SYT1: variants seen among roughly 807,000 people sequenced by gnomAD.
SYT1 encodes the protein synaptotagmin-1.
A neutral mutation model predicts 44.8 loss-of-function variants in SYT1; 8 were observed. The observed-to-expected ratio is 0.18, with a 90% CI of 0.10 to 0.32. The LOEUF is 0.32. Ranked by LOEUF, SYT1 falls within the 10% of genes least tolerant of loss-of-function variation. The pLI is 1.00. For synonymous variants in SYT1, 154 were observed against 188.8 expected, an observed-to-expected ratio of 0.82 and a Z score of 1.51; for missense variants, 286 against 509.3, an observed-to-expected ratio of 0.56 and a Z score of 4.22.
rs201031068 is a variant in SYT1 at position 79,215,170 on chromosome 12, A to T, written c.-17-2333A>T. On this transcript the variant is annotated intron_variant, in intron 3 of 10. Coordinates refer to ENST00000261205, the MANE Select transcript of SYT1 (RefSeq NM_005639.3). ...ACGTGACTTGAGTTGGAAACAAAAA[A>T]TTTCCACATTCTGGACAATTCTGGG... 7.0e-4 allele frequency among the ~76,000 whole-genome samples: 106 copies of T among 152,268 alleles called. 1 individual carries two copies. The East Asian group carries it at 0.02, about 28-fold the overall frequency.
intron 1 of SYT1, among the ~76,000 whole-genome samples, chr12:78,964,786 T>C (rs1055307145): frequency 6.6e-6 from 1 of 152,006 alleles, no homozygotes; most frequent in Non-Finnish European, 1.5e-5. Context: ...AATAATTCTT[T>C]TGAAAGAAAA....
intron 8 of SYT1, among the ~76,000 whole-genome samples, chr12:79,324,044 G>A (rs921575231): frequency 5.5e-5 from 8 of 146,240 alleles, no homozygotes; most frequent in African/African-American, 1.0e-4. Context: ...TCCACCTCCC[G>A]TGTTCAAGCG....
At chr12:78,979,303 T>C (rs1471420917) in intron 2 of SYT1, among the ~76,000 whole-genome samples, 3 of 152,188 alleles carry the variant, frequency 2.0e-5, no homozygotes, top group African/African-American at 7.2e-5. Context: ...TCTACATTAA[T>C]GTCTTTTAGG....
chr12:79,278,935 GC>G (rs911556115), intron 4 of SYT1, among the ~76,000 whole-genome samples: 14 of 148,642 alleles, frequency 9.4e-5, no homozygotes, highest in South Asian at 2.1e-4. Context: ...AAAACATATA[GC>G]CCCCCCAAGC....
At chr12:79,266,972 G>A (rs1267035006) in intron 4 of SYT1, among the ~76,000 whole-genome samples, 2 of 152,078 alleles carry the variant, frequency 1.3e-5, no homozygotes, top group African/African-American at 2.4e-5. Context: ...AGACTCAAAC[G>A]CCCTGTTCTT....
intron 3 of SYT1, among the ~76,000 whole-genome samples, chr12:79,176,459 A>C (rs1186097252): frequency 2.0e-5 from 3 of 152,042 alleles, no homozygotes; most frequent in Non-Finnish European, 4.4e-5. Context: ...ACAGTTCACA[A>C]GAGTTATGGT....
intron 1 of SYT1, among the ~76,000 whole-genome samples, chr12:78,908,377 T>C (rs1433412323): frequency 2.2e-5 from 1 of 45,058 alleles, no homozygotes; most frequent in African/African-American, 4.0e-5. Context: ...TCAGTTTTTC[T>C]TTTTTTTTTT....
chr12:78,992,017 A>AT (rs539255058), intron 2 of SYT1, among the ~76,000 whole-genome samples: 167 of 152,296 alleles, frequency 1.1e-3, no homozygotes, highest in Non-Finnish European at 2.0e-3. Context: ...CATCAAGGTC[A>AT]TTTTCCTTTT....
intron 1 of SYT1, among the ~76,000 whole-genome samples, chr12:78,976,170 C>T (rs898461245): frequency 1.2e-4 from 19 of 152,156 alleles, no homozygotes; most frequent in South Asian, 2.1e-4. Context: ...CCATATATGT[C>T]GCCCTAACTT....
intron 7 of SYT1, among the ~76,000 whole-genome samples, chr12:79,297,159 G>A (rs920959374): frequency 3.3e-5 from 5 of 152,170 alleles, no homozygotes; most frequent in African/African-American, 9.7e-5. Flanking sequence ...TAAAGGGGAA[G>A]TGTCTTTCTA....
At chr12:79,367,436 G>A (rs1883593948) in intron 9 of SYT1, among the ~76,000 whole-genome samples, 1 of 152,148 alleles carries the variant, frequency 6.6e-6, no homozygotes, top group Non-Finnish European at 1.5e-5. Context: ...CCTAATTGAT[G>A]CAATATGAGT....
chr12:79,249,185 A>T (rs1877038841), intron 4 of SYT1, among the ~76,000 whole-genome samples: 1 of 139,714 alleles, frequency 7.2e-6, no homozygotes, highest in African/African-American at 2.7e-5. Context: ...GCTCACTGCA[A>T]GCTCCGCTTC....
intron 3 of SYT1, among the ~76,000 whole-genome samples, chr12:79,056,665 A>G (rs1874970416): frequency 6.6e-6 from 1 of 152,100 alleles, no homozygotes. Context: ...TTGTTATTAC[A>G]TGCACCATTT....
intron 3 of SYT1, among the ~76,000 whole-genome samples, chr12:79,147,032 G>T (rs1869962633): frequency 6.6e-6 from 1 of 151,984 alleles, no homozygotes; most frequent in African/African-American, 2.4e-5. Flanking sequence ...GTAGAGAAGG[G>T]GTTTCACCAT....
At chr12:78,991,826 T>G (rs896918996) in intron 2 of SYT1, among the ~76,000 whole-genome samples, 1 of 152,226 alleles carries the variant, frequency 6.6e-6, no homozygotes, top group African/African-American at 2.4e-5. Flanking sequence ...AAATGTACTC[T>G]TTTTGTGGAT....
At chr12:79,123,011 A>G (rs543225464) in intron 3 of SYT1, among the ~76,000 whole-genome samples, 5 of 152,328 alleles carry the variant, frequency 3.3e-5, no homozygotes, top group Admixed American at 6.5e-5. Flanking sequence ...AGGGAATTTT[A>G]CCTTTTCTGT....
intron 3 of SYT1, among the ~76,000 whole-genome samples, chr12:79,109,667 T>C (rs1275128368): frequency 2.0e-5 from 3 of 152,222 alleles, no homozygotes; most frequent in African/African-American, 4.8e-5. Flanking sequence ...TTTCCTTCTT[T>C]AAAGTATCTT....
chr12:79,089,102 T>G (rs1217343396), intron 3 of SYT1, among the ~76,000 whole-genome samples: 1 of 151,912 alleles, frequency 6.6e-6, no homozygotes. Context: ...GAAAAGAATG[T>G]GAGAAAGATG....
rs1235745924 is a variant in SYT1 at position 79,311,742 on chromosome 12, A to G, written c.810+12191A>G. The stretch of plus-strand genomic sequence containing the variant: ...AGGGACATGGATGAAATTGGAAATC[A>G]TCATTCTCAGTAAACTATCGCAAGG... On this transcript the variant is annotated intron_variant, in intron 8 of 10. Transcript: ENST00000261205. Among the ~76,000 whole-genome samples, 65 of 147,310 alleles carry G rather than the reference A, an allele frequency of 4.4e-4. No individual in the cohort carries two copies. The East Asian group carries it at 0.012, about 27-fold the overall frequency.
Sources: allele counts gnomAD v4.1 joint callset (sites outside exome capture counted in the v4.1 genomes callset), GRCh38; gene constraint gnomAD v4.1.1; transcripts MANE v1.5; gene names NCBI Gene and HGNC (gene_info 2026-07-23, HGNC 2026-07-21).